The following NCALD variants were observed in gnomAD, a reference collection of about 807,000 sequenced individuals.
The protein encoded by NCALD is neurocalcin delta.
Under a neutral mutation model 18.6 loss-of-function variants are expected in NCALD, and 10 were observed. That is an observed-to-expected ratio of 0.54 (90% CI 0.33 to 0.91). The LOEUF (loss-of-function observed/expected upper bound fraction) is 0.91. Among genes scored for constraint, NCALD ranks in the 40% least tolerant of loss-of-function variants. NCALD has a pLI of 0.03. For synonymous variants in NCALD, 88 were observed against 87.4 expected (o/e 1.01, Z -0.04); for missense variants, 184 against 247.6 (o/e 0.74, Z 1.72).
In NCALD at chr8:101,992,039, T is replaced by C. The variant is rs533769120; in HGVS notation, c.-157+28198A>G. On this transcript the variant is annotated intron_variant, in intron 2 of 6. Coordinates refer to the NCALD transcript ENST00000311028. ...AGTATCTGGCTTCATTTATAGGCTA[T>C]GTTGTATGAAAAGTGCATTACTACA... Among the ~76,000 whole-genome samples the C allele has an allele frequency of 7.2e-5, 11 of 152,340 alleles. No homozygotes were observed. The South Asian group carries it at 2.1e-3, about 29-fold the overall frequency.
At chr8:102,016,640 C>T (rs967619195) in intron 2 of NCALD, among the ~76,000 whole-genome samples, 2 of 152,308 alleles carry the variant, frequency 1.3e-5, no homozygotes, top group Non-Finnish European at 2.9e-5. Flanking sequence ...TCCATCCAAA[C>T]TCAATACTAA....
intron 2 of NCALD, among the ~76,000 whole-genome samples, chr8:101,987,838 G>A (rs974885310): frequency 6.6e-6 from 1 of 152,096 alleles, no homozygotes; most frequent in African/African-American, 2.4e-5. Flanking sequence ...AAACTCACCT[G>A]GAAAAGGAAT....
chr8:101,985,623 T>C (rs1465782863), intron 2 of NCALD, among the ~76,000 whole-genome samples: 1 of 152,200 alleles, frequency 6.6e-6, no homozygotes, highest in Non-Finnish European at 1.5e-5. Context: ...TTTACTCTGT[T>C]TTAAGGGCTA....
intron 3 of NCALD, among the ~76,000 whole-genome samples, chr8:101,892,885 G>C (rs1265977301): frequency 3.3e-5 from 5 of 149,740 alleles, no homozygotes; most frequent in African/African-American, 1.0e-4. Context: ...ATCTACATCT[G>C]ATTGGTGTAC....
chr8:101,741,252 T>C (rs1383493649), intron 1 of NCALD, among the ~76,000 whole-genome samples: 1 of 152,188 alleles, frequency 6.6e-6, no homozygotes, highest in Non-Finnish European at 1.5e-5. Context: ...TAAAAGAAAT[T>C]GCAAAGAAAA....
intron 2 of NCALD, among the ~76,000 whole-genome samples, chr8:101,717,168 C>T (rs1033540087): frequency 2.0e-5 from 3 of 152,124 alleles, no homozygotes; most frequent in Non-Finnish European, 4.4e-5. Flanking sequence ...CACAGTAGTC[C>T]CATAAATTTT....
intron 4 of NCALD, among the ~76,000 whole-genome samples, chr8:101,832,503 G>A (rs1252565166): frequency 6.6e-6 from 1 of 152,128 alleles, no homozygotes; most frequent in Non-Finnish European, 1.5e-5. Context: ...TCTTTATAAT[G>A]ACAGTAACAT....
At chr8:101,698,960 A>G (rs1357519182) in intron 2 of NCALD, among the ~76,000 whole-genome samples, 1 of 152,228 alleles carries the variant, frequency 6.6e-6, no homozygotes, top group Admixed American at 6.5e-5. Context: ...TGCACAGCAA[A>G]AGAAACTATC....
chr8:101,765,085 G>A (rs1811290675), intron 1 of NCALD, among the ~76,000 whole-genome samples: 1 of 152,144 alleles, frequency 6.6e-6, no homozygotes, highest in Admixed American at 6.5e-5. Flanking sequence ...AAAGAGATTT[G>A]TATCCTTCTG....
intron 1 of NCALD, among the ~76,000 whole-genome samples, chr8:102,123,579 G>C (rs1450981712): frequency 6.6e-6 from 1 of 152,008 alleles, no homozygotes; most frequent in African/African-American, 2.4e-5. Flanking sequence ...AAATCGGTAT[G>C]CACTGAAAAA....
chr8:101,976,496 A>G (rs1866693), intron 2 of NCALD, among the ~76,000 whole-genome samples: 58,204 of 152,058 alleles, frequency 0.38, 11,323 homozygotes, highest in South Asian at 0.45. Flanking sequence ...ACACTTTTGG[A>G]AACTCCAATG....
chr8:101,713,647 A>G (rs540381970), intron 2 of NCALD, among the ~76,000 whole-genome samples: 1 of 152,310 alleles, frequency 6.6e-6, no homozygotes, highest in South Asian at 2.1e-4. Flanking sequence ...AGAATACTAT[A>G]AACACCTCTA....
intron 2 of NCALD, among the ~76,000 whole-genome samples, chr8:101,704,786 A>G (rs1481253557): frequency 6.6e-6 from 1 of 151,398 alleles, no homozygotes; most frequent in Non-Finnish European, 1.5e-5. Context: ...CGGGCATGGT[A>G]TCGGGCACCT....
intron 4 of NCALD, among the ~76,000 whole-genome samples, chr8:101,886,218 T>C (rs1816669182): frequency 6.6e-6 from 1 of 152,180 alleles, no homozygotes; most frequent in Non-Finnish European, 1.5e-5. Context: ...TCCAGGTGAG[T>C]CATGTTGCTC....
chr8:101,695,025 CA>C (rs1814923893), intron 2 of NCALD, among the ~76,000 whole-genome samples: 1 of 152,172 alleles, frequency 6.6e-6, no homozygotes, highest in African/African-American at 2.4e-5. Context: ...TTGACATAGT[CA>C]AAATGGAATC....
intron 4 of NCALD, chr8:101,872,261 T>C: frequency 1.4e-6 from 2 of 1,398,710 alleles, no homozygotes; most frequent in Non-Finnish European, 2.0e-6. Flanking sequence ...TTCCCTGAAA[T>C]CTCCAAAACT....
Position 101,976,906 on chromosome 8 carries a change from A to G in NCALD, c.-157+43331T>C, listed in dbSNP as rs1820443328. 3.9e-5 allele frequency among the ~76,000 whole-genome samples: 6 copies of G among 152,268 alleles called. 1 individual carries two copies. The Middle Eastern group carries it at 0.01, about 259-fold the overall frequency. ...AAACACAGACACTATGAGAGCATCC[A>G]AGGCAAAGGGGCAGGAGTGAGGAAA... On this transcript the variant is annotated intron_variant, in intron 2 of 6. Coordinates refer to the NCALD transcript ENST00000311028.
intron 1 of NCALD, among the ~76,000 whole-genome samples, chr8:102,112,213 T>C (rs1306511193): frequency 2.0e-5 from 3 of 152,200 alleles, no homozygotes; most frequent in African/African-American, 7.2e-5. Flanking sequence ...AGATGCTGCA[T>C]CTTCTCCTTG....
At chr8:101,935,952 G>A (rs780898922) in intron 2 of NCALD, among the ~76,000 whole-genome samples, 1 of 152,106 alleles carries the variant, frequency 6.6e-6, no homozygotes, top group Non-Finnish European at 1.5e-5. Context: ...CACGATTAGT[G>A]CTGGCTTTAG....
Sources: allele counts gnomAD v4.1 joint callset (sites outside exome capture counted in the v4.1 genomes callset), GRCh38; gene constraint gnomAD v4.1.1; transcripts MANE v1.5; gene names NCBI Gene and HGNC (gene_info 2026-07-23, HGNC 2026-07-21).